Variants in ERC1 observed in about 807,000 individuals in gnomAD.
The protein encoded by ERC1 is ELKS/RAB6-interacting/CAST family member 1.
In ERC1, 56 loss-of-function variants were observed where a neutral mutation model predicts 132.0. The observed-to-expected ratio is 0.42, with a 90% CI of 0.34 to 0.53. The LOEUF is 0.53. Among genes scored for constraint, ERC1 ranks in the 20% least tolerant of loss-of-function variants. The probability of loss-of-function intolerance (pLI) is 0.03; values close to 1 mark genes in which losing one functional copy is unlikely to be tolerated. For synonymous variants in ERC1, 478 were observed against 476.1 expected, an observed-to-expected ratio of 1.00 and a Z score of -0.05; for missense variants, 1,202 against 1,349.9, an observed-to-expected ratio of 0.89 and a Z score of 1.72.
chr12:1,415,743 T>C (rs2092087130), intron 17 of ERC1, among the ~76,000 whole-genome samples: 1 of 152,174 alleles, frequency 6.6e-6, no homozygotes, highest in Admixed American at 6.5e-5. Context: ...ACTTTTGATA[T>C]GACAGACAAG....
intron 7 of ERC1, among the ~76,000 whole-genome samples, chr12:1,140,674 A>AGACCATAG (rs2154248291): frequency 6.6e-6 from 1 of 152,298 alleles, no homozygotes; most frequent in South Asian, 2.1e-4. Context: ...TAAAGATGAG[A>AGACCATAG]GACCATAGAA....
At chr12:1,312,194 A>T (rs1228278063) in intron 15 of ERC1, among the ~76,000 whole-genome samples, 1 of 152,082 alleles carries the variant, frequency 6.6e-6, no homozygotes, top group East Asian at 1.9e-4. Context: ...CCCCATATTG[A>T]CTTTTTCTTT....
At chr12:1,336,028 T>C (rs1280349978) in intron 15 of ERC1, among the ~76,000 whole-genome samples, 3 of 152,196 alleles carry the variant, frequency 2.0e-5, no homozygotes, top group African/African-American at 7.2e-5. Context: ...CCCTTTCTTC[T>C]AGATTTCCTA....
chr12:1,443,155 T>A (rs142647288), intron 17 of ERC1: 1 of 152,240 alleles, frequency 6.6e-6, no homozygotes, highest in East Asian at 1.9e-4. Flanking sequence ...CTCCTCAGCC[T>A]CCCAAAGTGC....
At chr12:1,406,573 A>G (rs2154393964) in intron 16 of ERC1, among the ~76,000 whole-genome samples, 1 of 152,350 alleles carries the variant, frequency 6.6e-6, no homozygotes, top group African/African-American at 2.4e-5. Context: ...ATTAAGAGTG[A>G]CAATCACTGA....
chr12:1,235,959 C>T (rs1001704100), intron 12 of ERC1, among the ~76,000 whole-genome samples: 2 of 151,996 alleles, frequency 1.3e-5, no homozygotes, highest in African/African-American at 4.8e-5. Flanking sequence ...TATTTCATAC[C>T]TCAGTGAAAG....
chr12:1,146,779 C>G (rs1223039843), intron 8 of ERC1, among the ~76,000 whole-genome samples: 1 of 151,338 alleles, frequency 6.6e-6, no homozygotes, highest in Non-Finnish European at 1.5e-5. Flanking sequence ...CCCCCAACCC[C>G]CACCCCACAA....
At chr12:1,056,812 A>C (rs993440441) in intron 2 of ERC1, among the ~76,000 whole-genome samples, 2 of 151,978 alleles carry the variant, frequency 1.3e-5, no homozygotes, top group Non-Finnish European at 2.9e-5. Flanking sequence ...TTGCTTTTTT[A>C]TGTTTGCAGC....
intron 15 of ERC1, among the ~76,000 whole-genome samples, chr12:1,304,282 T>G (rs1024722487): frequency 1.3e-5 from 2 of 152,208 alleles, no homozygotes; most frequent in Admixed American, 1.3e-4. Context: ...CAGGCTGGTG[T>G]CAAGTGATGC....
intron 18 of ERC1, 89 bp from the exon 19 acceptor site, chr12:1,490,004 G>A: frequency 1.4e-6 from 2 of 1,383,528 alleles, no homozygotes; most frequent in Non-Finnish European, 2.0e-6. Flanking sequence ...CATACAGAGT[G>A]CCTTTGTCAT....
At chr12:1,471,973 C>T (rs2093871425) in intron 18 of ERC1, among the ~76,000 whole-genome samples, 1 of 152,220 alleles carries the variant, frequency 6.6e-6, no homozygotes, top group Non-Finnish European at 1.5e-5. Context: ...CCCTGTACCT[C>T]TTGAGACCTC....
At chr12:1,262,459 G>T (rs2077201799) in intron 13 of ERC1, among the ~76,000 whole-genome samples, 1 of 152,184 alleles carries the variant, frequency 6.6e-6, no homozygotes, top group Non-Finnish European at 1.5e-5. Context: ...ATATCCAGTT[G>T]TCATTTTTGG....
At chr12:1,333,765 A>G (rs1483245975) in intron 15 of ERC1, among the ~76,000 whole-genome samples, 2 of 152,172 alleles carry the variant, frequency 1.3e-5, no homozygotes, top group African/African-American at 4.8e-5. Flanking sequence ...TTTATTATGT[A>G]CACAATAATG....
intron 18 of ERC1, among the ~76,000 whole-genome samples, chr12:1,457,577 A>G (rs111308610): frequency 1.8e-3 from 273 of 152,350 alleles, no homozygotes; most frequent in Non-Finnish European, 2.9e-3. Flanking sequence ...GTCTTTGGAA[A>G]GATTTAGGCA....
At chr12:1,168,471 T>G (rs2154264503) in intron 8 of ERC1, among the ~76,000 whole-genome samples, 1 of 147,888 alleles carries the variant, frequency 6.8e-6, no homozygotes, top group Non-Finnish European at 1.5e-5. Flanking sequence ...TTAAATGAAG[T>G]GACTGGTCTT....
chr12:1,248,290 C>T (rs977209522), intron 13 of ERC1, among the ~76,000 whole-genome samples: 4 of 152,246 alleles, frequency 2.6e-5, no homozygotes, highest in Admixed American at 6.5e-5. Flanking sequence ...ACATGTTCTC[C>T]GCCCTTCTGG....
intron 15 of ERC1, among the ~76,000 whole-genome samples, chr12:1,293,240 G>T (rs535183851): frequency 6.6e-6 from 1 of 150,962 alleles, no homozygotes; most frequent in Non-Finnish European, 1.5e-5. Flanking sequence ...AGATCACGAG[G>T]TCAGAAGATT....
At chr12:1,331,033 T>C (rs1390317698) in intron 15 of ERC1, among the ~76,000 whole-genome samples, 3 of 152,214 alleles carry the variant, frequency 2.0e-5, no homozygotes, top group African/African-American at 7.2e-5. Flanking sequence ...ACTATACCTC[T>C]GAAAGAATAT....
intron 8 of ERC1, among the ~76,000 whole-genome samples, chr12:1,169,725 C>G (rs1357796457): frequency 1.3e-5 from 2 of 152,144 alleles, no homozygotes; most frequent in Admixed American, 6.6e-5. Flanking sequence ...AGTGAAACAT[C>G]TCATCATATT....
Sources: allele counts gnomAD v4.1 joint callset (sites outside exome capture counted in the v4.1 genomes callset), GRCh38; gene constraint gnomAD v4.1.1; transcripts MANE v1.5; gene names NCBI Gene and HGNC (gene_info 2026-07-23, HGNC 2026-07-21).